The following RAB38 variants were observed in gnomAD, a reference collection of about 807,000 sequenced individuals.
The protein encoded by RAB38 is ras-related protein Rab-38.
Under a neutral mutation model 18.4 loss-of-function variants are expected in RAB38, and 15 were observed. That is an observed-to-expected ratio of 0.82 (90% confidence interval 0.55 to 1.26). RAB38 has a LOEUF of 1.26. RAB38 is among the 50% of genes most tolerant of loss of function. The probability of loss-of-function intolerance (pLI) is 0.00; values close to 1 mark genes in which losing one functional copy is unlikely to be tolerated. For missense variants in RAB38, 294 were observed against 267.4 expected (o/e 1.10, Z -0.69); for synonymous variants, 101 against 104.4 (o/e 0.97, Z 0.20).
chr11:88,066,965 T>C, the RAB38 span, among the ~76,000 whole-genome samples: 39 of 152,230 alleles, frequency 2.6e-4, 1 homozygote, highest in Admixed American at 2.6e-3. Context: ...TCTTTCATTA[T>C]AAATTAGTTT....
At chr11:88,103,114 A>G in the RAB38 span, among the ~76,000 whole-genome samples, 2 of 152,090 alleles carry the variant, frequency 1.3e-5, no homozygotes, top group Non-Finnish European at 2.9e-5. Context: ...TATTTACTGA[A>G]TGTCTAAGTA....
At chr11:87,948,486 G>A in the RAB38 span, among the ~76,000 whole-genome samples, 1 of 151,712 alleles carries the variant, frequency 6.6e-6, no homozygotes, top group African/African-American at 2.4e-5. Flanking sequence ...TTTTCAAAGG[G>A]AATGCTTCCA....
intron 2 of RAB38, among the ~76,000 whole-genome samples, chr11:88,143,350 A>G (rs904019929): frequency 6.6e-6 from 1 of 152,268 alleles, no homozygotes; most frequent in Non-Finnish European, 1.5e-5. Context: ...AAAGGGTCAG[A>G]TGGTAAATAA....
At chr11:87,972,223 A>G in the RAB38 span, among the ~76,000 whole-genome samples, 1 of 152,064 alleles carries the variant, frequency 6.6e-6, no homozygotes, top group Non-Finnish European at 1.5e-5. Context: ...TCCTTAGCCC[A>G]CATAGCAAGG....
At chr11:87,897,387 A>G in the RAB38 span, among the ~76,000 whole-genome samples, 1 of 151,566 alleles carries the variant, frequency 6.6e-6, no homozygotes, top group Non-Finnish European at 1.5e-5. Context: ...GCTTCTAAAT[A>G]TTTTATCTTG....
chr11:87,823,126 A>G, the RAB38 span, among the ~76,000 whole-genome samples: 1 of 152,180 alleles, frequency 6.6e-6, no homozygotes, highest in Non-Finnish European at 1.5e-5. Flanking sequence ...GATAGATTTG[A>G]GTCATGTAAT....
chr11:88,016,630 T>C, the RAB38 span, among the ~76,000 whole-genome samples: 1 of 152,062 alleles, frequency 6.6e-6, no homozygotes, highest in Non-Finnish European at 1.5e-5. Flanking sequence ...CTAATACTTA[T>C]AGATGACCTA....
the RAB38 span, among the ~76,000 whole-genome samples, chr11:87,938,088 C>T: frequency 4.6e-5 from 7 of 152,070 alleles, no homozygotes; most frequent in African/African-American, 4.8e-5. Context: ...CGTTTTAGCT[C>T]GCTTTCTCTG....
chr11:88,139,052 G>A (rs1942872922), intron 2 of RAB38, among the ~76,000 whole-genome samples: 1 of 152,090 alleles, frequency 6.6e-6, no homozygotes. Flanking sequence ...CCAAAGTGCT[G>A]GGATAACAGG....
the RAB38 span, among the ~76,000 whole-genome samples, chr11:88,038,937 A>G: frequency 6.6e-6 from 1 of 152,218 alleles, no homozygotes; most frequent in Non-Finnish European, 1.5e-5. Flanking sequence ...ACACTATGCT[A>G]TGCTTTGTGG....
chr11:88,151,491 G>A (rs1379410678), intron 1 of RAB38, among the ~76,000 whole-genome samples: 4 of 152,172 alleles, frequency 2.6e-5, no homozygotes, highest in East Asian at 1.9e-4. Flanking sequence ...CCAGAAGTAT[G>A]TGACCAGACA....
chr11:88,086,504 G>A, the RAB38 span, among the ~76,000 whole-genome samples: 1 of 151,902 alleles, frequency 6.6e-6, no homozygotes, highest in Non-Finnish European at 1.5e-5. Context: ...TTACGCTGGT[G>A]ATGGATTGAT....
the RAB38 span, among the ~76,000 whole-genome samples, chr11:87,809,593 C>T: frequency 6.6e-6 from 1 of 152,058 alleles, no homozygotes; most frequent in Non-Finnish European, 1.5e-5. Context: ...CTTATTCAAC[C>T]TGGGCAATCT....
chr11:87,950,011 A>T, the RAB38 span, among the ~76,000 whole-genome samples: 1 of 152,026 alleles, frequency 6.6e-6, no homozygotes, highest in South Asian at 2.1e-4. Context: ...CCCATTATTA[A>T]TGTGTGGGAG....
At chr11:87,943,843 A>G in the RAB38 span, among the ~76,000 whole-genome samples, 9 of 152,052 alleles carry the variant, frequency 5.9e-5, no homozygotes, top group East Asian at 1.9e-4. Context: ...TAGTTCTACA[A>G]TTCTGTGAAT....
the RAB38 span, among the ~76,000 whole-genome samples, chr11:87,811,397 G>A: frequency 6.6e-6 from 1 of 152,132 alleles, no homozygotes; most frequent in Non-Finnish European, 1.5e-5. Context: ...TCATAATTGG[G>A]GAACCACGCT....
the RAB38 span, among the ~76,000 whole-genome samples, chr11:87,887,469 A>G: frequency 6.6e-6 from 1 of 152,056 alleles, no homozygotes; most frequent in Non-Finnish European, 1.5e-5. Context: ...ATACAATATG[A>G]TATTCCACAC....
chr11:87,901,973 G>C, the RAB38 span, among the ~76,000 whole-genome samples: 1 of 150,458 alleles, frequency 6.6e-6, no homozygotes, highest in Admixed American at 6.6e-5. Flanking sequence ...TTTATGCTAA[G>C]GAAGGAGAAG....
At chr11:87,919,979 T>C in the RAB38 span, among the ~76,000 whole-genome samples, 6 of 151,954 alleles carry the variant, frequency 3.9e-5, no homozygotes, top group Non-Finnish European at 7.4e-5. Context: ...TGGGTTGTTA[T>C]GTCATTTCTT....
Sources: allele counts gnomAD v4.1 joint callset (sites outside exome capture counted in the v4.1 genomes callset), GRCh38; gene constraint gnomAD v4.1.1; transcripts MANE v1.5; gene names NCBI Gene and HGNC (gene_info 2026-07-23, HGNC 2026-07-21).